Variants in BNC2 observed in about 807,000 individuals in gnomAD.
BNC2 encodes the protein zinc finger protein basonuclin-2.
BNC2 carries 20 observed loss-of-function variants against 76.3 expected under a neutral mutation model. The observed-to-expected ratio is 0.26, with a 90% CI of 0.18 to 0.38. The LOEUF is 0.38. BNC2 is among the 10% of genes least tolerant of loss of function. The pLI, the probability that BNC2 is intolerant of heterozygous loss-of-function variation, is 1.00. For missense variants in BNC2, 1,382 were observed against 1,399.8 expected (o/e 0.99, Z 0.20); for synonymous variants, 582 against 514.8 (o/e 1.13, Z -1.77).
intron 5 of BNC2, among the ~76,000 whole-genome samples, chr9:16,440,888 T>C (rs1477175012): frequency 1.3e-5 from 2 of 152,228 alleles, no homozygotes; most frequent in Non-Finnish European, 2.9e-5. Flanking sequence ...GCTTTATTTA[T>C]AGTGGTAATA....
intron 5 of BNC2, among the ~76,000 whole-genome samples, chr9:16,453,587 C>T (rs1226756975): frequency 2.6e-5 from 4 of 151,434 alleles, no homozygotes; most frequent in African/African-American, 4.9e-5. Flanking sequence ...CACATTCTGA[C>T]GACATTCTGG....
intron 3 of BNC2, chr9:16,685,508 C>T: frequency 7.9e-7 from 1 of 1,258,392 alleles, no homozygotes; most frequent in Non-Finnish European, 1.1e-6. Flanking sequence ...GTTTCTGTCA[C>T]ACCACCCCTA....
intron 5 of BNC2, among the ~76,000 whole-genome samples, chr9:16,543,651 G>A (rs1416207688): frequency 6.6e-6 from 1 of 152,148 alleles, no homozygotes; most frequent in Non-Finnish European, 1.5e-5. Context: ...TTTTAACTCT[G>A]AGCACAAAAC....
chr9:16,506,262 C>T (rs532368930), intron 5 of BNC2, among the ~76,000 whole-genome samples: 2 of 152,230 alleles, frequency 1.3e-5, no homozygotes, highest in Admixed American at 6.5e-5. Flanking sequence ...TGAGAGTAGA[C>T]GAAGGCCACC....
intron 3 of BNC2, among the ~76,000 whole-genome samples, chr9:16,688,916 G>GT (rs1823060565): frequency 6.6e-6 from 1 of 152,086 alleles, no homozygotes; most frequent in South Asian, 2.1e-4. Flanking sequence ...ATCATGGTGT[G>GT]TGAGAGAGCT....
chr9:16,515,540 G>C lies in BNC2; in HGVS notation c.669+36990C>G, dbSNP rs1172950998. ...TGTTTAGTGTCACTCAGTTGGGATG[G>C]ATCCCGTTAAAGATCTGACGCTTAG... is the stretch of plus-strand genomic sequence containing the variant. On this transcript the variant is annotated intron_variant, in intron 5 of 6. Transcript: ENST00000380672. Among the ~76,000 whole-genome samples the C allele has an allele frequency of 2.0e-5, 3 of 152,000 alleles. No homozygotes were observed. In the East Asian group the frequency reaches 5.8e-4, roughly 29 times the overall value.
At chr9:16,523,488 C>CAA (rs1401735555) in intron 5 of BNC2, among the ~76,000 whole-genome samples, 2 of 114,298 alleles carry the variant, frequency 1.7e-5, no homozygotes, top group African/African-American at 9.0e-5. Flanking sequence ...AAAAAAAAAA[C>CAA]AAAACAAAAA....
chr9:16,743,152 A>G (rs1824898941), intron 1 of BNC2, among the ~76,000 whole-genome samples: 1 of 152,190 alleles, frequency 6.6e-6, no homozygotes, highest in South Asian at 2.1e-4. Context: ...AACATTTCTA[A>G]CACACCCTGA....
At chr9:16,501,617 TA>T (rs749834417) in intron 5 of BNC2, among the ~76,000 whole-genome samples, 9 of 152,188 alleles carry the variant, frequency 5.9e-5, no homozygotes, top group Non-Finnish European at 1.2e-4. Context: ...ACAGTCTGCA[TA>T]ACATAGAGTA....
chr9:16,851,319 G>A (rs1429442466), intron 1 of BNC2, among the ~76,000 whole-genome samples: 1 of 151,750 alleles, frequency 6.6e-6, no homozygotes, highest in Admixed American at 6.6e-5. Context: ...ACCAGCCTGG[G>A]CAGCATAGTG....
intron 3 of BNC2, among the ~76,000 whole-genome samples, chr9:16,608,941 C>T (rs1477291048): frequency 6.6e-6 from 1 of 152,090 alleles, no homozygotes; most frequent in Non-Finnish European, 1.5e-5. Context: ...TTATTATGTA[C>T]TTAAGGTTCC....
chr9:16,732,888 T>A (rs993005793), intron 2 of BNC2, among the ~76,000 whole-genome samples: 1 of 152,130 alleles, frequency 6.6e-6, no homozygotes, highest in Non-Finnish European at 1.5e-5. Flanking sequence ...TAGAAAAAAA[T>A]GTTAAAAACT....
Position 16,580,042 on chromosome 9 carries a change from C to T in BNC2, c.433+2941G>A, listed in dbSNP as rs577852925. ...ATTACACACTAGAAAACCCAAGTCA[C>T]TTCCTCATTGCCCCACACCCAGGAC... On this transcript the variant is annotated intron_variant, in intron 4 of 6. Transcript: ENST00000380672. The T allele has an allele frequency of 2.8e-5, 11 of 398,398 alleles. No individual in the cohort carries two copies. The South Asian group carries it at 7.6e-4, about 28-fold the overall frequency. The allele number at this position is 398,398 out of a possible 1,614,324, so 24.7% of individuals were successfully genotyped here.
chr9:16,833,664 T>C (rs575644989), intron 1 of BNC2, among the ~76,000 whole-genome samples: 42 of 152,276 alleles, frequency 2.8e-4, no homozygotes, highest in African/African-American at 6.5e-4. Context: ...TAAGGAATTA[T>C]TACTACTGCA....
chr9:16,594,094 G>T (rs1044759028), intron 3 of BNC2, among the ~76,000 whole-genome samples: 4 of 152,066 alleles, frequency 2.6e-5, no homozygotes, highest in African/African-American at 9.7e-5. Flanking sequence ...AATAAGGACA[G>T]GATTTATAAT....
chr9:16,533,790 A>C (rs1818051654), intron 5 of BNC2, among the ~76,000 whole-genome samples: 1 of 152,194 alleles, frequency 6.6e-6, no homozygotes, highest in African/African-American at 2.4e-5. Flanking sequence ...CAAGGAGATA[A>C]TTAGGCAGGA....
chr9:16,727,884 G>A lies in BNC2; in HGVS notation c.243C>T (p.Phe81=), dbSNP rs754849003. 2 of 1,614,098 alleles carry A rather than the reference G, an allele frequency of 1.2e-6. No individual in the cohort carries two copies. The highest frequency in any genetic ancestry group is 1.7e-5 in the Admixed American group (1 of 60,010). ...RDSCTDNSMQ[F]GTRTTTAEPG... ...GTTCAGCCGTAGTCGTTCTGGTTCC[G>A]AACTGCATGGAGTTGTCAGTACAGG... The change falls in exon 3 of 7, where the codon TTC becomes TTT. Residue 81 remains phenylalanine, a synonymous_variant. Transcript: ENST00000380672.
intron 4 of BNC2, among the ~76,000 whole-genome samples, chr9:16,567,333 TTTAAC>T (rs111810653): frequency 0.023 from 3,506 of 152,334 alleles, 77 homozygotes; most frequent in South Asian, 0.12. Flanking sequence ...AATATGTACT[TTTAAC>T]TATACTGCTA....
chr9:16,540,947 T>C (rs759268030), intron 5 of BNC2, among the ~76,000 whole-genome samples: 38 of 152,178 alleles, frequency 2.5e-4, no homozygotes, highest in Admixed American at 1.0e-3. Context: ...GGGTTCTTAC[T>C]CGCCCTATGG....
Sources: gnomAD v4.1 joint callset for allele counts (sites outside exome capture counted in the v4.1 genomes callset) on GRCh38, gnomAD v4.1.1 for gene constraint, MANE v1.5 for transcripts, NCBI Gene and HGNC (gene_info 2026-07-23, HGNC 2026-07-21) for gene names.